The following DCLK2 variants were observed in gnomAD, a reference collection of about 807,000 sequenced individuals.
DCLK2 encodes doublecortin like kinase 2.
A neutral mutation model predicts 78.4 loss-of-function variants in DCLK2; 31 were observed. The ratio of observed to expected loss-of-function variants is 0.40; its 90% confidence interval spans 0.30 to 0.53. DCLK2 has a LOEUF of 0.53. DCLK2 is among the 20% of genes least tolerant of loss of function. The probability of loss-of-function intolerance (pLI) is 0.61; values close to 1 mark genes in which losing one functional copy is unlikely to be tolerated. For missense variants in DCLK2, 872 were observed against 973.7 expected (o/e 0.90, Z 1.39); for synonymous variants, 407 against 374.9 (o/e 1.09, Z -0.99).
chr4:150,247,850 C>T (rs1473219780), intron 13 of DCLK2, 151 bp downstream of exon 13: 5 of 640,782 alleles, frequency 7.8e-6, no homozygotes, highest in Non-Finnish European at 1.0e-5. Context: ...ATGGTATGGT[C>T]TCTGAAGTTC....
intron 5 of DCLK2, among the ~76,000 whole-genome samples, chr4:150,218,062 T>A (rs886258755): frequency 1.3e-5 from 2 of 149,772 alleles, no homozygotes; most frequent in African/African-American, 5.1e-5. Flanking sequence ...TCTCGCTCTC[T>A]CTCTCGCTCT....
At chr4:150,196,062 A>AT (rs111257005) in intron 3 of DCLK2, among the ~76,000 whole-genome samples, 1 of 151,628 alleles carries the variant, frequency 6.6e-6, no homozygotes, top group African/African-American at 2.4e-5. Flanking sequence ...TAGGAGGCAA[A>AT]TTTTTTTTTA....
chr4:150,210,646 A>G (rs2126484650), intron 5 of DCLK2, among the ~76,000 whole-genome samples: 1 of 152,158 alleles, frequency 6.6e-6, no homozygotes, highest in Middle Eastern at 3.4e-3. Flanking sequence ...CTCCAGGAAA[A>G]AAAGAAAAAA....
intron 5 of DCLK2, among the ~76,000 whole-genome samples, chr4:150,218,940 A>C (rs1305288570): frequency 1.3e-5 from 2 of 152,228 alleles, no homozygotes; most frequent in Admixed American, 1.3e-4. Context: ...ATGGTGGTGC[A>C]CGCCTGTAAT....
intron 2 of DCLK2, among the ~76,000 whole-genome samples, chr4:150,192,762 T>C (rs1273856015): frequency 6.6e-6 from 1 of 152,066 alleles, no homozygotes; most frequent in Non-Finnish European, 1.5e-5. Flanking sequence ...GCAGAGTTGT[T>C]AGGAGAGGGA....
At chr4:150,119,521 T>C (rs1732364685) in intron 2 of DCLK2, among the ~76,000 whole-genome samples, 2 of 152,240 alleles carry the variant, frequency 1.3e-5, no homozygotes, top group South Asian at 2.1e-4. Context: ...GGATTAGATA[T>C]GAACCAGGTA....
chr4:150,177,179 T>C (rs1737151976), intron 2 of DCLK2, among the ~76,000 whole-genome samples: 1 of 152,226 alleles, frequency 6.6e-6, no homozygotes, highest in African/African-American at 2.4e-5. Flanking sequence ...TTTGTTTTTT[T>C]AAAGGAACTC....
intron 8 of DCLK2, among the ~76,000 whole-genome samples, chr4:150,226,693 C>G (rs1426914826): frequency 6.6e-6 from 1 of 152,084 alleles, no homozygotes; most frequent in Non-Finnish European, 1.5e-5. Context: ...TTTTTCTAGT[C>G]TGTGAATGTC....
intron 15 of DCLK2, among the ~76,000 whole-genome samples, chr4:150,249,996 T>TCTG (rs1743637784): frequency 6.6e-6 from 1 of 152,082 alleles, no homozygotes; most frequent in Admixed American, 6.5e-5. Flanking sequence ...TCCCAAGCCC[T>TCTG]GGAGGGGTGT....
At chr4:150,145,275 C>G (rs1020439949) in intron 2 of DCLK2, among the ~76,000 whole-genome samples, 9 of 152,126 alleles carry the variant, frequency 5.9e-5, no homozygotes, top group African/African-American at 2.2e-4. Flanking sequence ...GGCATCACCC[C>G]CAGGGTTTAC....
At chr4:150,169,959 T>TA (rs1736391830) in intron 2 of DCLK2, among the ~76,000 whole-genome samples, 1 of 152,228 alleles carries the variant, frequency 6.6e-6, no homozygotes, top group South Asian at 2.1e-4. Flanking sequence ...GTACTTATAC[T>TA]AAAAAATGAT....
At chr4:150,219,258 CTTTT>C (rs375592229) in intron 5 of DCLK2, among the ~76,000 whole-genome samples, 1 of 72,128 alleles carries the variant, frequency 1.4e-5, no homozygotes, top group Non-Finnish European at 2.7e-5. Context: ...CACAAACATT[CTTTT>C]TTTTTTTTTT....
At chr4:150,165,451 CCAATTGCTAAAGATT>C (rs548066348) in intron 2 of DCLK2, among the ~76,000 whole-genome samples, 96 of 152,128 alleles carry the variant, frequency 6.3e-4, no homozygotes, top group Non-Finnish European at 9.9e-4. Flanking sequence ...AAAATTTGCT[CCAATTGCTAAAGATT>C]GCTTTTAAAT....
intron 2 of DCLK2, among the ~76,000 whole-genome samples, chr4:150,180,228 T>C (rs1048182267): frequency 6.6e-6 from 1 of 152,230 alleles, no homozygotes; most frequent in Non-Finnish European, 1.5e-5. Flanking sequence ...TTTGCACAAG[T>C]TACTTACCCT....
At chr4:150,225,680 C>G (rs1207146045) in intron 8 of DCLK2, among the ~76,000 whole-genome samples, 2 of 152,108 alleles carry the variant, frequency 1.3e-5, no homozygotes, top group Non-Finnish European at 2.9e-5. Context: ...TGTATATGAT[C>G]ACATGTTGAA....
At chr4:150,119,043 ATAT>A (rs1732325332) in intron 2 of DCLK2, among the ~76,000 whole-genome samples, 1 of 21,412 alleles carries the variant, frequency 4.7e-5, no homozygotes, top group Non-Finnish European at 1.4e-4. Context: ...AACAATAATA[ATAT>A]AATAATAATA....
intron 10 of DCLK2, among the ~76,000 whole-genome samples, chr4:150,234,571 T>C (rs888356915): frequency 2.6e-5 from 4 of 152,234 alleles, no homozygotes; most frequent in Non-Finnish European, 2.9e-5. Context: ...CTGGGGACTT[T>C]TTATTTTTTG....
At chr4:150,223,083 C>T (rs1339317867) in intron 7 of DCLK2, among the ~76,000 whole-genome samples, 1 of 152,052 alleles carries the variant, frequency 6.6e-6, no homozygotes, top group Non-Finnish European at 1.5e-5. Context: ...GTTACATCTC[C>T]AGTGAAGCTT....
intron 5 of DCLK2, among the ~76,000 whole-genome samples, chr4:150,205,540 T>C (rs1739784877): frequency 6.6e-6 from 1 of 152,228 alleles, no homozygotes; most frequent in East Asian, 1.9e-4. Context: ...TCTGAAGTAC[T>C]AACTTGACTT....
Sources: gnomAD v4.1 joint callset for allele counts (sites outside exome capture counted in the v4.1 genomes callset) on GRCh38, gnomAD v4.1.1 for gene constraint, MANE v1.5 for transcripts, NCBI Gene and HGNC (gene_info 2026-07-23, HGNC 2026-07-21) for gene names.